The following SLIT2 variants were observed in gnomAD, a reference collection of about 807,000 sequenced individuals.
SLIT2 encodes the protein slit homolog 2 protein.
A neutral mutation model predicts 185.7 loss-of-function variants in SLIT2; 41 were observed. That is an observed-to-expected ratio of 0.22 (90% CI 0.17 to 0.29). SLIT2 has a LOEUF of 0.29. Among genes scored for constraint, SLIT2 ranks in the 10% least tolerant of loss-of-function variants. The pLI is 1.00. For missense variants in SLIT2, 1,571 were observed against 1,909.0 expected, an observed-to-expected ratio of 0.82 and a Z score of 3.30; for synonymous variants, 693 against 680.2, an observed-to-expected ratio of 1.02 and a Z score of -0.29.
At chr4:20,473,711 T>C (rs1715807317) in intron 5 of SLIT2, among the ~76,000 whole-genome samples, 1 of 152,048 alleles carries the variant, frequency 6.6e-6, no homozygotes, top group Non-Finnish European at 1.5e-5. Flanking sequence ...TAATTTTTTC[T>C]CATTTCAAAT....
At chr4:20,512,535 T>G (rs1387688078) in intron 11 of SLIT2, among the ~76,000 whole-genome samples, 1 of 152,162 alleles carries the variant, frequency 6.6e-6, no homozygotes, top group African/African-American at 2.4e-5. Flanking sequence ...GCAGAAAATA[T>G]AGCGTGTAGT....
chr4:20,468,115 C>A (rs1026030684), intron 5 of SLIT2, among the ~76,000 whole-genome samples: 1 of 151,930 alleles, frequency 6.6e-6, no homozygotes, highest in Non-Finnish European at 1.5e-5. Context: ...TGTTTTTTCC[C>A]CACTTTTTCT....
intron 4 of SLIT2, among the ~76,000 whole-genome samples, chr4:20,407,218 G>A (rs1347107101): frequency 2.0e-5 from 3 of 152,078 alleles, no homozygotes; most frequent in Non-Finnish European, 4.4e-5. Flanking sequence ...AAACACAGAT[G>A]AGTCCATTTT....
intron 3 of SLIT2, among the ~76,000 whole-genome samples, chr4:20,260,383 AT>A (rs1712326500): frequency 6.6e-6 from 1 of 151,890 alleles, no homozygotes; most frequent in African/African-American, 2.4e-5. Flanking sequence ...TGAAAAAAGT[AT>A]AAAATTAGGT....
intron 17 of SLIT2, 126 bp from the exon 18 acceptor site, chr4:20,533,446 C>A: frequency 3.0e-6 from 2 of 658,546 alleles, no homozygotes. Context: ...CTTTTCAGAG[C>A]CCTGGCAGTG....
intron 8 of SLIT2, 91 bp from the exon 9 acceptor site, chr4:20,491,670 T>G: frequency 9.4e-7 from 1 of 1,060,508 alleles, no homozygotes; most frequent in Non-Finnish European, 1.4e-6. Flanking sequence ...TTTATTTATG[T>G]GAAATGCTTT....
At chr4:20,386,561 A>G (rs1380378211) in intron 4 of SLIT2, among the ~76,000 whole-genome samples, 5 of 152,166 alleles carry the variant, frequency 3.3e-5, no homozygotes, top group African/African-American at 1.2e-4. Flanking sequence ...AATAATACCA[A>G]TGTGCAAGCC....
chr4:20,264,790 C>G (rs1225026504), intron 3 of SLIT2, among the ~76,000 whole-genome samples: 1 of 151,886 alleles, frequency 6.6e-6, no homozygotes, highest in East Asian at 1.9e-4. Flanking sequence ...CATCTTTGCC[C>G]TGGGAGAAAG....
chr4:20,418,174 A>C (rs1040366824), intron 4 of SLIT2, among the ~76,000 whole-genome samples: 6 of 152,188 alleles, frequency 3.9e-5, no homozygotes, highest in African/African-American at 1.4e-4. Context: ...TAAAAATTTT[A>C]AAACCGCTTA....
At chr4:20,328,767 C>A (rs1201649720) in intron 4 of SLIT2, among the ~76,000 whole-genome samples, 1 of 152,014 alleles carries the variant, frequency 6.6e-6, no homozygotes, top group African/African-American at 2.4e-5. Flanking sequence ...ACAGAAGTGA[C>A]AATCTAAATA....
intron 9 of SLIT2, among the ~76,000 whole-genome samples, chr4:20,503,720 A>C (rs927703620): frequency 6.6e-6 from 1 of 152,212 alleles, no homozygotes; most frequent in African/African-American, 2.4e-5. Context: ...TTAAAGACCA[A>C]ATGGAAAATG....
intron 21 of SLIT2, among the ~76,000 whole-genome samples, chr4:20,542,889 C>G (rs995174873): frequency 5.5e-5 from 8 of 144,836 alleles, no homozygotes; most frequent in Admixed American, 1.4e-4. Context: ...AGTGCCTTTA[C>G]TATGCTAAAG....
intron 4 of SLIT2, among the ~76,000 whole-genome samples, chr4:20,368,831 T>C (rs1467713170): frequency 6.6e-6 from 1 of 152,118 alleles, no homozygotes; most frequent in Admixed American, 6.6e-5. Context: ...CCCTGTGCAC[T>C]TACAGGATGA....
intron 4 of SLIT2, among the ~76,000 whole-genome samples, chr4:20,431,431 C>T (rs1382019493): frequency 2.6e-5 from 4 of 152,008 alleles, no homozygotes; most frequent in Non-Finnish European, 5.9e-5. Flanking sequence ...CAGCTATCCC[C>T]AGAGCAGCCT....
At chr4:20,290,331 G>T (rs908784281) in intron 4 of SLIT2, among the ~76,000 whole-genome samples, 1 of 152,006 alleles carries the variant, frequency 6.6e-6, no homozygotes, top group African/African-American at 2.4e-5. Context: ...AAATGAAAAA[G>T]AAATGAAAAA....
At chr4:20,577,008 G>C (rs932186798) in intron 29 of SLIT2, among the ~76,000 whole-genome samples, 1 of 151,030 alleles carries the variant, frequency 6.6e-6, no homozygotes, top group African/African-American at 2.4e-5. Flanking sequence ...AAATATACCA[G>C]ATGCTTATTG....
In SLIT2 at chr4:20,526,087, TA is replaced by T. The variant is rs559667513; in HGVS notation, c.1462+921del. Among the ~76,000 whole-genome samples the T allele has an allele frequency of 2.2e-3, 334 of 152,264 alleles. 2 individuals are homozygous for T. Among genetic ancestry groups the T allele is most frequent in the Middle Eastern group, 6.8e-3 (2 of 294 alleles). ...CGTCTCTTGGGTATATTCTAGACTA[TA>T]AAAAATTTTAAGAGCTATAGATTAA... On this transcript the variant is annotated intron_variant, in intron 15 of 36. Coordinates refer to ENST00000504154, the MANE Select transcript of SLIT2 (RefSeq NM_004787.4).
intron 4 of SLIT2, among the ~76,000 whole-genome samples, chr4:20,464,941 T>A (rs954131547): frequency 2.1e-4 from 32 of 152,202 alleles, no homozygotes; most frequent in Non-Finnish European, 3.8e-4. Flanking sequence ...CTTACCCAAC[T>A]CAGTAGCCCT....
In SLIT2 at chr4:20,472,593, T is replaced by TCG. The variant is rs1715612789; in HGVS notation, c.467+4770_467+4771insCG. Among the ~76,000 whole-genome samples the TCG allele has an allele frequency of 7.5e-5, 2 of 26,520 alleles. 1 individual carries two copies. The highest frequency in any genetic ancestry group is 1.1e-4 in the Non-Finnish European group (2 of 17,702). The allele number at this position is 26,520 out of a possible 152,430, so 17.4% of individuals were successfully genotyped here. On this transcript the variant is annotated intron_variant, in intron 5 of 36. Transcript: ENST00000504154. The stretch of plus-strand genomic sequence containing the variant: ...ATATAGATATATCTATATATAGATA[T>TCG]ATATCTATAGATATATCTATATATA...
Sources: allele counts gnomAD v4.1 joint callset (sites outside exome capture counted in the v4.1 genomes callset), GRCh38; gene constraint gnomAD v4.1.1; transcripts MANE v1.5; gene names NCBI Gene and HGNC (gene_info 2026-07-23, HGNC 2026-07-21).